Variants in FAM228A observed in about 807,000 individuals in gnomAD.
The protein encoded by FAM228A is protein FAM228A.
Under a neutral mutation model 18.6 loss-of-function variants are expected in FAM228A, and 13 were observed. The observed-to-expected ratio is 0.70, with a 90% CI of 0.45 to 1.11. The LOEUF is 1.11. FAM228A is among the 50% of genes least tolerant of loss of function. The probability of loss-of-function intolerance (pLI) is 0.00; values close to 1 mark genes in which losing one functional copy is unlikely to be tolerated. For missense variants in FAM228A, 240 were observed against 242.2 expected, an observed-to-expected ratio of 0.99 and a Z score of 0.06; for synonymous variants, 77 against 86.6, an observed-to-expected ratio of 0.89 and a Z score of 0.61.
intron 1 of FAM228A, 131 bp downstream of exon 1, chr2:24,175,305 C>T: frequency 1.6e-6 from 1 of 619,902 alleles, no homozygotes; most frequent in Admixed American, 2.9e-5. Flanking sequence ...GGTAGCCGGG[C>T]CTGTTGAAGC....
intron 1 of FAM228A, 72 bp from the exon 2 acceptor site, chr2:24,175,395 C>G: frequency 9.2e-7 from 1 of 1,091,162 alleles, no homozygotes; most frequent in South Asian, 1.3e-5. Context: ...TTTGAACACT[C>G]CCTGAGCCCA....
At chr2:24,184,869 C>A (rs1667907486) in intron 5 of FAM228A, among the ~76,000 whole-genome samples, 1 of 148,666 alleles carries the variant, frequency 6.7e-6, no homozygotes, top group Non-Finnish European at 1.5e-5. Context: ...TATCGTCAGG[C>A]TGGAGTACAG....
At chr2:24,175,390 A>G in intron 1 of FAM228A, 77 bp from the exon 2 acceptor site, 1 of 1,039,162 alleles carries the variant, frequency 9.6e-7, no homozygotes, top group Non-Finnish European at 1.5e-6. Context: ...CGGGATTTGA[A>G]CACTCCCTGA....
chr2:24,185,128 T>G (rs547363087), intron 5 of FAM228A, among the ~76,000 whole-genome samples: 1 of 152,238 alleles, frequency 6.6e-6, no homozygotes, highest in Non-Finnish European at 1.5e-5. Flanking sequence ...TGGCCTGCTT[T>G]TATAGTTTTG....
chr2:24,176,271 T>C (rs1667689681), intron 2 of FAM228A: 2 of 875,520 alleles, frequency 2.3e-6, no homozygotes, highest in Non-Finnish European at 2.7e-6. Flanking sequence ...AATAAATAAA[T>C]AGATTCTAAA....
chr2:24,183,424 G>T, intron 4 of FAM228A, 52 bp downstream of exon 4: 1 of 1,610,264 alleles, frequency 6.2e-7, no homozygotes. Flanking sequence ...ATTGTCCAGT[G>T]ATTTCTCACT....
chr2:24,181,716 C>T (rs1573804051), intron 3 of FAM228A, among the ~76,000 whole-genome samples: 1 of 151,984 alleles, frequency 6.6e-6, no homozygotes, highest in East Asian at 1.9e-4. Flanking sequence ...AAAAAGAAAC[C>T]AAATTATGGA....
At chr2:24,186,729 C>T (rs563285330) in intron 5 of FAM228A, among the ~76,000 whole-genome samples, 13 of 152,220 alleles carry the variant, frequency 8.5e-5, no homozygotes, top group African/African-American at 2.9e-4. Context: ...CCCTCTGCCT[C>T]TCAAGTTCAA....
rs1428196618 is a variant in FAM228A, at chr2:24,183,633, C to T, written c.389C>T (p.Thr130Ile). ...HKASARARSK[T>I]YKYSPEKLIY... ...GCCTCTGCAAGAGCCAGGAGTAAAA[C>T]TTACAAATACAGGTACAGATGAGCA... The change falls in exon 5 of 6, where the codon ACT becomes ATT. Residue 130 changes from threonine (T) to isoleucine (I), a missense_variant. Thr to Ile is a moderately conservative substitution (Grantham distance 89). Coordinates refer to ENST00000295150, the MANE Select transcript of FAM228A (RefSeq NM_001040710.3). 1 of 1,601,302 alleles carries T rather than the reference C, an allele frequency of 6.2e-7. No individual in the cohort carries two copies. Among genetic ancestry groups the T allele is most frequent in the Non-Finnish European group, 8.5e-7 (1 of 1,175,174 alleles).
intron 5 of FAM228A, 24 bp downstream of exon 5, chr2:24,183,669 A>G: frequency 6.4e-7 from 1 of 1,552,596 alleles, no homozygotes; most frequent in Non-Finnish European, 8.7e-7. Flanking sequence ...GAACAAACAA[A>G]TATTTGTTTA....
chr2:24,178,383 G>A (rs1667740561), intron 3 of FAM228A, among the ~76,000 whole-genome samples: 1 of 152,010 alleles, frequency 6.6e-6, no homozygotes, highest in African/African-American at 2.4e-5. Context: ...GACCAGCCTG[G>A]GCAACATAGT....
At chr2:24,181,238 A>C (rs1284550945) in intron 3 of FAM228A, among the ~76,000 whole-genome samples, 24 of 152,210 alleles carry the variant, frequency 1.6e-4, no homozygotes, top group Admixed American at 1.6e-3. Context: ...TTTATATAAA[A>C]ATGAAATGCA....
Position 24,190,595 on chromosome 2 carries a change from C to G in FAM228A, c.585C>G (p.Cys195Trp). Residue 195 changes from cysteine (C) to tryptophan (W), a missense_variant, in exon 6 of 6, where the codon TGC becomes TGG. Coordinates refer to ENST00000295150, the MANE Select transcript of FAM228A (RefSeq NM_001040710.3). The stretch of plus-strand genomic sequence containing the variant: ...GGCGGGGCTGGCATGCAGGGCTTTG[C>G]AGCACCCACGAGCAGCACATACTGG... ...GLGRGWHAGL[C>W]STHEQHILVP... is the part of the protein sequence containing the mutation. 1.9e-6 allele frequency: 3 copies of G among 1,599,174 alleles called. No homozygotes were observed. The South Asian group carries it at 3.4e-5, about 18-fold the overall frequency.
intron 3 of FAM228A, chr2:24,179,341 T>C: frequency 2.5e-6 from 1 of 401,994 alleles, no homozygotes; most frequent in Non-Finnish European, 3.6e-6. Flanking sequence ...TTTGAAGAGT[T>C]GGTCTAACAA....
At chr2:24,179,236 A>G (rs779572390) in intron 3 of FAM228A, 6 of 884,880 alleles carry the variant, frequency 6.8e-6, no homozygotes, top group Admixed American at 7.0e-5. Context: ...AAGTAATTTC[A>G]TATAAAGAGC....
At position 24,191,354 on chromosome 2, in the gene FAM228A, A is replaced by T. The variant is rs920673786; in HGVS notation, c.*723A>T. Reference sequence around the variant, plus strand: ...GCTGCTTTCCAGCCTGTGAGCCTGGATAGGTATTTTGTGACCCAGCTCCTG... The same window carrying T: ...GCTGCTTTCCAGCCTGTGAGCCTGGTTAGGTATTTTGTGACCCAGCTCCTG... On this transcript the variant is annotated 3_prime_UTR_variant, in exon 6 of 6. Transcript: ENST00000295150. The T allele has an allele frequency of 1.2e-5, 12 of 985,410 alleles. No individual in the cohort carries two copies. Among genetic ancestry groups the T allele is most frequent in the African/African-American group, 1.7e-5 (1 of 57,202 alleles). 61.0% of individuals were successfully genotyped at this position (985,410 alleles called of 1,614,324 possible).
At position 24,191,105 on chromosome 2, in the gene FAM228A, C is replaced by T. The variant is rs764997783; in HGVS notation, c.*474C>T. ...AGGTATTTTTATATGTAGGAATTTT[C>T]TGAGTATGGATTTCTTATCCAGAGC... On this transcript the variant is annotated 3_prime_UTR_variant, in exon 6 of 6. Transcript: ENST00000295150. The T allele has an allele frequency of 4.6e-5, 45 of 985,732 alleles. No individual in the cohort carries two copies. Among genetic ancestry groups the T allele is most frequent in the Non-Finnish European group, 5.4e-5 (45 of 830,232 alleles). 61.1% of individuals were successfully genotyped at this position (985,732 alleles called of 1,614,324 possible).
chr2:24,180,843 A>G (rs534437230), intron 3 of FAM228A, among the ~76,000 whole-genome samples: 8 of 152,346 alleles, frequency 5.3e-5, no homozygotes, highest in Admixed American at 3.3e-4. Flanking sequence ...CATCAGTTGC[A>G]AAACCTTTAG....
rs542432030 is a variant in FAM228A at position 24,191,203 on chromosome 2, C to T, written c.*572C>T. ...CCATTCTCTCCGCCACGCCCTGTGCCCTGAGGCCTGAGGCGCAGGACCCTC... is the reference window on the plus strand; with the variant it reads ...CCATTCTCTCCGCCACGCCCTGTGCTCTGAGGCCTGAGGCGCAGGACCCTC... On this transcript the variant is annotated 3_prime_UTR_variant, in exon 6 of 6. Transcript: ENST00000295150. The T allele has an allele frequency of 2.0e-6, 2 of 985,608 alleles. No homozygotes were observed. The highest frequency in any genetic ancestry group is 4.7e-5 in the South Asian group (1 of 21,290). 61.1% of individuals were successfully genotyped at this position (985,608 alleles called of 1,614,324 possible).
Sources: gnomAD v4.1 joint callset for allele counts (sites outside exome capture counted in the v4.1 genomes callset) on GRCh38, gnomAD v4.1.1 for gene constraint, MANE v1.5 for transcripts, NCBI Gene and HGNC (gene_info 2026-07-23, HGNC 2026-07-21) for gene names.